Variants in SRSF3 observed in about 807,000 individuals in gnomAD.
SRSF3 encodes the protein serine and arginine rich splicing factor 3.
For missense variants in SRSF3, 58 were observed against 217.1 expected, an observed-to-expected ratio of 0.27 and a Z score of 4.61; for synonymous variants, 87 against 73.6, an observed-to-expected ratio of 1.18 and a Z score of -0.93.
intron 3 of SRSF3, 80 bp downstream of exon 3, chr6:36,599,063 G>A: frequency 6.5e-7 from 1 of 1,533,536 alleles, no homozygotes. Flanking sequence ...TAAGTTTGTT[G>A]GTGGGTTTTA....
rs1235965175 is a variant in SRSF3, at chr6:36,602,925, A to G, written c.*936A>G. On this transcript the variant is annotated 3_prime_UTR_variant, in exon 6 of 6. Transcript: ENST00000373715. ...ATAAAATATTAGCATAATTGTGTAT[A>G]GTCAGTTGAACCCACTGTTACCATT... 4.7e-6 allele frequency: 1 copy of G among 214,622 alleles called. No individual in the cohort carries two copies. Among genetic ancestry groups the G allele is most frequent in the East Asian group, 7.0e-5 (1 of 14,222 alleles). 13.3% of individuals were successfully genotyped at this position (214,622 alleles called of 1,614,324 possible). A position where few individuals can be genotyped will look rare whatever the true frequency, so the allele number is the denominator to read the frequency against.
chr6:36,595,189 A>G (rs1265320294), intron 1 of SRSF3, among the ~76,000 whole-genome samples: 6 of 152,194 alleles, frequency 3.9e-5, no homozygotes, highest in Non-Finnish European at 7.3e-5. Context: ...CAGCTGAATT[A>G]TTGAGTAGAT....
At chr6:36,596,075 C>G (rs1778622575) in intron 1 of SRSF3, among the ~76,000 whole-genome samples, 1 of 152,074 alleles carries the variant, frequency 6.6e-6, no homozygotes. Flanking sequence ...CAGGTGTGCG[C>G]CACCATGCCC....
rs2127507252 is a variant in SRSF3 at position 36,603,427 on chromosome 6, A to G, written c.*1438A>G. The G allele has an allele frequency of 4.5e-6, 1 of 224,202 alleles. No individual in the cohort carries two copies. Among genetic ancestry groups the G allele is most frequent in the South Asian group, 1.8e-4 (1 of 5,442 alleles). 13.9% of individuals were successfully genotyped at this position (224,202 alleles called of 1,614,324 possible). A position where few individuals can be genotyped will look rare whatever the true frequency, so the allele number is the denominator to read the frequency against. On this transcript the variant is annotated 3_prime_UTR_variant, in exon 6 of 6. Coordinates refer to ENST00000373715, the MANE Select transcript of SRSF3 (RefSeq NM_003017.5). ...TGCAATTAGATTAAATCATAATGCA[A>G]CAGTCTTGTGGCTTAGTTTCCTTAA...
Position 36,602,046 on chromosome 6 carries a change from G to A in SRSF3, c.*57G>A, listed in dbSNP as rs1778727188. The A allele has an allele frequency of 1.3e-6, 2 of 1,559,532 alleles. No homozygotes were observed. The highest frequency in any genetic ancestry group is 4.5e-5 in the East Asian group (2 of 44,140). On this transcript the variant is annotated 3_prime_UTR_variant, in exon 6 of 6. Transcript: ENST00000373715. ...AAATTACTTCATTTGACAGGAGTAT[G>A]TACAGAAAATTCAAGTTTTGTTTGA...
intron 3 of SRSF3, chr6:36,599,557 G>T (rs1778685183): frequency 7.1e-6 from 2 of 282,954 alleles, no homozygotes; most frequent in African/African-American, 4.4e-5. Context: ...AGGCAGTATT[G>T]TCTGGGTGCT....
chr6:36,600,646 A>C (rs1778696097), intron 3 of SRSF3: 1 of 153,004 alleles, frequency 6.5e-6, no homozygotes, highest in Non-Finnish European at 1.5e-5. Context: ...ACACACTCTT[A>C]AATGTGACGA....
intron 2 of SRSF3, among the ~76,000 whole-genome samples, chr6:36,598,011 C>T (rs916062094): frequency 6.6e-6 from 1 of 152,006 alleles, no homozygotes; most frequent in Non-Finnish European, 1.5e-5. Context: ...ATAATTTCTT[C>T]TGTGCTGACT....
At chr6:36,601,321 T>A in intron 4 of SRSF3, 131 bp downstream of exon 4, 1 of 857,756 alleles carries the variant, frequency 1.2e-6, no homozygotes, top group Non-Finnish European at 1.8e-6. Context: ...TAAGGATGAG[T>A]CAGCTTTCTT....
At position 36,604,726 on chromosome 6, in the gene SRSF3, T is replaced by G. The variant is rs1478435929; in HGVS notation, c.*2737T>G. 6.5e-6 allele frequency: 1 copy of G among 153,308 alleles called. No individual in the cohort carries two copies. The highest frequency in any genetic ancestry group is 1.5e-5 in the Non-Finnish European group (1 of 68,724). The allele number at this position is 153,308 out of a possible 1,614,324, so 9.5% of individuals were successfully genotyped here. On this transcript the variant is annotated 3_prime_UTR_variant, in exon 6 of 6. Transcript: ENST00000373715. ...TCATTTTAGTACAGTGCTGCCTAAT[T>G]AGAAATTTTGTTGAAGAGGTATTTC... is the stretch of plus-strand genomic sequence containing the variant.
chr6:36,597,760 C>T (rs1295500973), intron 2 of SRSF3, among the ~76,000 whole-genome samples: 1 of 149,676 alleles, frequency 6.7e-6, no homozygotes, highest in Non-Finnish European at 1.5e-5. Context: ...GATAGCTTAT[C>T]TAAATTTAAT....
rs189767851 is a variant in SRSF3 at position 36,596,674 on chromosome 6, C to T, written c.-2-87C>T. On this transcript the variant is annotated intron_variant, in intron 1 of 5. Transcript: ENST00000373715. ...TACGTGCTACCTTAAACTCTCTTGTCCTCTCTAATGGAGTTCTTTCTAAGG... is the reference window on the plus strand; with the variant it reads ...TACGTGCTACCTTAAACTCTCTTGTTCTCTCTAATGGAGTTCTTTCTAAGG... The T allele has an allele frequency of 1.3e-4, 153 of 1,203,150 alleles. 1 individual carries two copies. The highest frequency in any genetic ancestry group is 8.3e-4 in the Middle Eastern group (3 of 3,606). The allele number at this position is 1,203,150 out of a possible 1,614,324, so 74.5% of individuals were successfully genotyped here.
chr6:36,599,673 C>T, intron 3 of SRSF3: 2 of 582,062 alleles, frequency 3.4e-6, no homozygotes, highest in South Asian at 1.6e-5. Context: ...AATCTTGCCC[C>T]TTTTGCTATT....
At position 36,602,749 on chromosome 6, in the gene SRSF3, T is replaced by C. The variant is rs2127507046; in HGVS notation, c.*760T>C. 2 of 211,292 alleles carry C rather than the reference T, an allele frequency of 9.5e-6. No individual in the cohort carries two copies. The highest frequency in any genetic ancestry group is 3.7e-4 in the South Asian group (2 of 5,348). The allele number at this position is 211,292 out of a possible 1,614,324, so 13.1% of individuals were successfully genotyped here. ...TTTGTAATATGTTTTGTGAGAATCC[T>C]TGGGATTAAAGTTTTGGTTACAAAT... On this transcript the variant is annotated 3_prime_UTR_variant, in exon 6 of 6. Coordinates refer to ENST00000373715, the MANE Select transcript of SRSF3 (RefSeq NM_003017.5).
intron 1 of SRSF3, among the ~76,000 whole-genome samples, 187 bp from the exon 2 acceptor site, chr6:36,596,568 GGGTGGC>G (rs1165948930): frequency 1.3e-4 from 10 of 76,710 alleles, no homozygotes; most frequent in African/African-American, 4.0e-4. Flanking sequence ...TAATGGGGCG[GGGTGGC>G]GGGGGGGGGG....
intron 3 of SRSF3, among the ~76,000 whole-genome samples, chr6:36,599,240 C>A (rs1009887868): frequency 6.6e-6 from 1 of 152,160 alleles, no homozygotes; most frequent in Non-Finnish European, 1.5e-5. Flanking sequence ...TTGCATCTTT[C>A]CAAATCTTCC....
chr6:36,598,658 A>G (rs761478006), intron 2 of SRSF3, 191 bp from the exon 3 acceptor site: 2 of 597,750 alleles, frequency 3.3e-6, no homozygotes, highest in Non-Finnish European at 5.7e-6. Context: ...TTGGGATTAC[A>G]GGCGTGTACC....
At chr6:36,597,401 C>T (rs1296251017) in intron 2 of SRSF3, among the ~76,000 whole-genome samples, 1 of 152,142 alleles carries the variant, frequency 6.6e-6, no homozygotes, top group Admixed American at 6.6e-5. Context: ...CCACTGTGCC[C>T]AGCCAGGATC....
intron 2 of SRSF3, chr6:36,598,417 T>C: frequency 6.5e-6 from 1 of 153,960 alleles, no homozygotes; most frequent in South Asian, 2.0e-4. Flanking sequence ...AGAGTCTTGC[T>C]CTGTCCCCCA....
Sources: gnomAD v4.1 joint callset for allele counts (sites outside exome capture counted in the v4.1 genomes callset) on GRCh38, gnomAD v4.1.1 for gene constraint, MANE v1.5 for transcripts, NCBI Gene and HGNC (gene_info 2026-07-23, HGNC 2026-07-21) for gene names.